STK32B: variants seen among roughly 807,000 people sequenced by gnomAD.
STK32B encodes the protein serine/threonine-protein kinase 32B.
In STK32B, 43 loss-of-function variants were observed where a neutral mutation model predicts 52.6. The ratio of observed to expected loss-of-function variants is 0.82; its 90% CI spans 0.64 to 1.05. The LOEUF (loss-of-function observed/expected upper bound fraction) is 1.05. Among genes scored for constraint, STK32B ranks in the 50% least tolerant of loss-of-function variants. STK32B has a pLI of 0.00. For synonymous variants in STK32B, 238 were observed against 204.3 expected (o/e 1.17, Z -1.41); for missense variants, 621 against 534.6 (o/e 1.16, Z -1.59).
intron 1 of STK32B, among the ~76,000 whole-genome samples, chr4:5,056,230 A>G (rs995696885): frequency 6.6e-6 from 1 of 152,190 alleles, no homozygotes; most frequent in African/African-American, 2.4e-5. Flanking sequence ...TCCTGAAACT[A>G]TCCTCCCTCT....
intron 1 of STK32B, among the ~76,000 whole-genome samples, chr4:5,074,298 G>GACAA (rs1201047807): frequency 6.6e-6 from 1 of 151,650 alleles, no homozygotes; most frequent in African/African-American, 2.4e-5. Flanking sequence ...CTTCTGTATT[G>GACAA]TCCACCCTTC....
the STK32B span, among the ~76,000 whole-genome samples, chr4:5,020,693 C>A: frequency 6.6e-6 from 1 of 152,174 alleles, no homozygotes; most frequent in Non-Finnish European, 1.5e-5. Flanking sequence ...GAGTTGGGGT[C>A]CTCAGGCTGC....
At chr4:5,238,044 C>A (rs1724753485) in intron 3 of STK32B, among the ~76,000 whole-genome samples, 1 of 152,162 alleles carries the variant, frequency 6.6e-6, no homozygotes, top group Admixed American at 6.5e-5. Flanking sequence ...CTTACGCTCA[C>A]ATTCTATGAT....
chr4:5,145,319 T>A (rs903726860), intron 2 of STK32B, among the ~76,000 whole-genome samples: 8 of 152,242 alleles, frequency 5.3e-5, no homozygotes, highest in African/African-American at 1.9e-4. Context: ...CATTTCTCCT[T>A]AAATATTTCA....
Position 5,240,343 on chromosome 4 carries a change from A to C in STK32B, c.260+71893A>C, listed in dbSNP as rs188751646. Among the ~76,000 whole-genome samples, 5 of 152,086 alleles carry C rather than the reference A, an allele frequency of 3.3e-5. No individual in the cohort carries two copies. The East Asian group carries it at 5.8e-4, about 18-fold the overall frequency. On this transcript the variant is annotated intron_variant, in intron 3 of 11. Coordinates refer to ENST00000282908, the MANE Select transcript of STK32B (RefSeq NM_018401.3). The stretch of plus-strand genomic sequence containing the variant: ...GTGTTTCAGTTTGGATACAACTCCT[A>C]AGTATTAATCTTTTGTCAGTTAGAT...
intron 3 of STK32B, among the ~76,000 whole-genome samples, chr4:5,254,872 A>T (rs1260466993): frequency 6.6e-6 from 1 of 151,946 alleles, no homozygotes; most frequent in Non-Finnish European, 1.5e-5. Flanking sequence ...AATAAAGTAG[A>T]TGTTCTTTGT....
chr4:5,301,991 T>C (rs1476074722), intron 3 of STK32B, among the ~76,000 whole-genome samples: 1 of 151,534 alleles, frequency 6.6e-6, no homozygotes, highest in Non-Finnish European at 1.5e-5. Context: ...TTGTGGTTTT[T>C]CCCCCATTAT....
intron 3 of STK32B, among the ~76,000 whole-genome samples, chr4:5,216,434 A>G (rs1284547782): frequency 6.6e-6 from 1 of 152,234 alleles, no homozygotes; most frequent in African/African-American, 2.4e-5. Flanking sequence ...AGTGTTTGTT[A>G]TGACAAACAG....
intron 3 of STK32B, among the ~76,000 whole-genome samples, chr4:5,303,133 C>T (rs114001664): frequency 0.073 from 11,150 of 151,898 alleles, 713 homozygotes; most frequent in African/African-American, 0.17. Flanking sequence ...ATTACGCTGC[C>T]GTAAACATGT....
At chr4:5,223,384 A>C (rs145507221) in intron 3 of STK32B, among the ~76,000 whole-genome samples, 8 of 152,182 alleles carry the variant, frequency 5.3e-5, no homozygotes, top group Non-Finnish European at 1.0e-4. Flanking sequence ...CTGTAGAACC[A>C]CTAGCACACA....
intron 5 of STK32B, among the ~76,000 whole-genome samples, chr4:5,413,437 A>G (rs937165838): frequency 4.6e-5 from 7 of 152,196 alleles, no homozygotes; most frequent in African/African-American, 1.7e-4. Flanking sequence ...TGGACAGCCT[A>G]CATCTTTATG....
At chr4:5,472,256 A>C (rs1162338783) in intron 11 of STK32B, among the ~76,000 whole-genome samples, 1 of 152,184 alleles carries the variant, frequency 6.6e-6, no homozygotes, top group Admixed American at 6.5e-5. Context: ...AGGATTACCA[A>C]ACAGTGCGGT....
intron 1 of STK32B, among the ~76,000 whole-genome samples, chr4:5,099,907 G>A (rs1196384744): frequency 6.6e-6 from 1 of 152,048 alleles, no homozygotes; most frequent in Admixed American, 6.5e-5. Context: ...TGAGCCAGGA[G>A]TGACCAGATG....
chr4:5,078,660 G>A (rs1280972367), intron 1 of STK32B, among the ~76,000 whole-genome samples: 1 of 152,168 alleles, frequency 6.6e-6, no homozygotes, highest in Non-Finnish European at 1.5e-5. Flanking sequence ...GTTGGATTCA[G>A]AGAGAATTTT....
At chr4:5,086,876 T>G (rs369977158) in intron 1 of STK32B, among the ~76,000 whole-genome samples, 28 of 152,304 alleles carry the variant, frequency 1.8e-4, no homozygotes, top group African/African-American at 6.0e-4. Context: ...AATTAAGACA[T>G]TTCCAGATAA....
intron 1 of STK32B, among the ~76,000 whole-genome samples, chr4:5,055,110 C>T (rs1230505814): frequency 6.6e-6 from 1 of 151,960 alleles, no homozygotes; most frequent in Non-Finnish European, 1.5e-5. Context: ...TCTTAAAAAA[C>T]AAAAGGTCTC....
At chr4:5,173,720 C>G (rs1042538406) in intron 3 of STK32B, among the ~76,000 whole-genome samples, 11 of 152,132 alleles carry the variant, frequency 7.2e-5, no homozygotes, top group African/African-American at 2.7e-4. Flanking sequence ...TGCTTTACTT[C>G]CAACTATGTG....
intron 11 of STK32B, among the ~76,000 whole-genome samples, chr4:5,474,382 C>T (rs1718075378): frequency 6.6e-6 from 1 of 152,222 alleles, no homozygotes. Context: ...GACTTCTCAT[C>T]TGTGCCATCA....
chr4:5,301,467 T>C (rs1729549842), intron 3 of STK32B, among the ~76,000 whole-genome samples: 1 of 151,956 alleles, frequency 6.6e-6, no homozygotes, highest in African/African-American at 2.4e-5. Flanking sequence ...TGAAAGTCTT[T>C]TTCAGATTTT....
Sources: allele counts gnomAD v4.1 joint callset (sites outside exome capture counted in the v4.1 genomes callset), GRCh38; gene constraint gnomAD v4.1.1; transcripts MANE v1.5; gene names NCBI Gene and HGNC (gene_info 2026-07-23, HGNC 2026-07-21).